Variants in RPTOR observed in about 807,000 individuals in gnomAD.
RPTOR encodes the protein regulatory-associated protein of mTOR.
In RPTOR, 21 loss-of-function variants were observed where a neutral mutation model predicts 169.9. The observed-to-expected ratio is 0.12, with a 90% CI of 0.09 to 0.18. RPTOR has a LOEUF of 0.18. Ranked by LOEUF, RPTOR falls within the 10% of genes least tolerant of loss-of-function variation. The pLI, the probability that RPTOR is intolerant of heterozygous loss-of-function variation, is 1.00. For missense variants in RPTOR, 1,133 were observed against 1,855.9 expected, an observed-to-expected ratio of 0.61 and a Z score of 7.16; for synonymous variants, 732 against 753.2, an observed-to-expected ratio of 0.97 and a Z score of 0.46.
intron 25 of RPTOR, among the ~76,000 whole-genome samples, chr17:80,943,687 C>T (rs940794565): frequency 2.6e-5 from 4 of 151,944 alleles, no homozygotes; most frequent in East Asian, 1.9e-4. Flanking sequence ...AGACTGGAGG[C>T]GGGCAACGGT....
In RPTOR at chr17:80,936,996, C is replaced by A. The variant is rs1382503376; in HGVS notation, c.2920-3500C>A. Among the ~76,000 whole-genome samples, 7 of 152,202 alleles carry A rather than the reference C, an allele frequency of 4.6e-5. No homozygotes were observed. The highest frequency in any genetic ancestry group is 1.7e-4 in the African/African-American group (7 of 41,444). On this transcript the variant is annotated intron_variant, in intron 24 of 33. Coordinates refer to ENST00000306801, the MANE Select transcript of RPTOR (RefSeq NM_020761.3). This position sits in a 1 kb window ranked among gnomAD's most constrained non-coding sequence, Gnocchi z 4.1. Reference sequence around the variant, plus strand: ...ACGACGCACACCACTACCTCTTCCGCCTCTTCCTCTGCTGCCTCTGTCCAC... The same window carrying A: ...ACGACGCACACCACTACCTCTTCCGACTCTTCCTCTGCTGCCTCTGTCCAC...
intron 20 of RPTOR, among the ~76,000 whole-genome samples, chr17:80,905,069 C>T (rs558569207): frequency 1.3e-5 from 2 of 152,170 alleles, no homozygotes; most frequent in Admixed American, 6.5e-5. Context: ...CTAGGAAAGG[C>T]GTGACAGCTG....
chr17:80,808,110 CATG>C (rs1427108642), intron 7 of RPTOR, among the ~76,000 whole-genome samples: 3 of 149,990 alleles, frequency 2.0e-5, no homozygotes, highest in Non-Finnish European at 4.4e-5. Context: ...GCCTGGGCAA[CATG>C]ATAAGACCCT....
chr17:80,958,613 A>AC (rs1483583718), intron 29 of RPTOR, among the ~76,000 whole-genome samples: 11 of 151,222 alleles, frequency 7.3e-5, no homozygotes, highest in African/African-American at 1.9e-4. Context: ...ACGGCGTTTC[A>AC]CGTGTTAGCC....
At chr17:80,887,364 C>CGGGGGTGTGCTGACTCTTG in intron 17 of RPTOR, among the ~76,000 whole-genome samples, 1 of 85,632 alleles carries the variant, frequency 1.2e-5, no homozygotes. Context: ...GTACCGACTC[C>CGGGGGTGTGCTGACTCTTG]GGGGGTGTGC....
intron 1 of RPTOR, among the ~76,000 whole-genome samples, chr17:80,583,182 G>GTTTTTTTTTTTTTTTTTTTTTTT (rs1166711662): frequency 1.3e-5 from 1 of 79,270 alleles, no homozygotes; most frequent in Non-Finnish European, 2.4e-5. Flanking sequence ...CCTCTTTCCT[G>GTTTTTTTTTTTTTTTTTTTTTTT]TTTTTTTTTT....
intron 7 of RPTOR, among the ~76,000 whole-genome samples, chr17:80,797,825 T>C (rs2067115315): frequency 6.6e-6 from 1 of 152,206 alleles, no homozygotes; most frequent in African/African-American, 2.4e-5. Flanking sequence ...GCCTTTCTAC[T>C]ACCTCAGGGC....
chr17:80,593,016 C>T (rs1242643714), intron 1 of RPTOR, among the ~76,000 whole-genome samples: 1 of 152,142 alleles, frequency 6.6e-6, no homozygotes, highest in Non-Finnish European at 1.5e-5. Context: ...CCCTTCTGCA[C>T]GTGTTTTTAC....
chr17:80,885,341 C>T (rs773325220), intron 17 of RPTOR, among the ~76,000 whole-genome samples, 193 bp downstream of exon 17: 16 of 152,220 alleles, frequency 1.1e-4, no homozygotes, highest in Non-Finnish European at 2.2e-4. Flanking sequence ...GGGTTTGCTT[C>T]ATTTAAAGGC....
rs2289759 is a variant in RPTOR at position 80,880,423 on chromosome 17, A to G, written c.1518A>G (p.Gln506=). The part of the protein sequence containing the change: ...AKILAVDSSC[Q]ADLVKDNGHK... ...TGTCTCTTTCTGTCCAGTCGTGCCA[A>G]GCGGACCTCGTGAAGGACAACGGCC... is the stretch of plus-strand genomic sequence containing the variant. Residue 506 remains glutamine, a synonymous_variant, in exon 14 of 34, where the codon CAA becomes CAG. Coordinates refer to ENST00000306801, the MANE Select transcript of RPTOR (RefSeq NM_020761.3). 0.26 allele frequency: 414,876 copies of G among 1,612,836 alleles called. 54,709 individuals are homozygous for G. The highest frequency in any genetic ancestry group is 0.37 in the East Asian group (16,458 of 44,832).
At chr17:80,888,029 C>T (rs1335891840) in intron 17 of RPTOR, among the ~76,000 whole-genome samples, 1 of 152,196 alleles carries the variant, frequency 6.6e-6, no homozygotes, top group Non-Finnish European at 1.5e-5. Context: ...CACACAGGGA[C>T]GGGCTCAGCG....
chr17:80,702,075 C>G (rs191899486), intron 3 of RPTOR, among the ~76,000 whole-genome samples: 41 of 152,238 alleles, frequency 2.7e-4, no homozygotes, highest in Admixed American at 9.1e-4. Context: ...TAAAAGTCTA[C>G]GTGGAAAATG....
At position 80,748,752 on chromosome 17, in the gene RPTOR, C is replaced by CT. The variant is rs2066603388; in HGVS notation, c.655-5258_655-5257insT. Among the ~76,000 whole-genome samples the CT allele has an allele frequency of 7.7e-5, 4 of 51,684 alleles. 2 individuals are homozygous for CT. The highest frequency in any genetic ancestry group is 1.4e-4 in the Non-Finnish European group (4 of 27,820). 33.9% of individuals were successfully genotyped at this position (51,684 alleles called of 152,430 possible). On this transcript the variant is annotated intron_variant, in intron 5 of 33. Transcript: ENST00000306801. ...TGCGGTGTGTGTTTGGAGGCCGTGG[C>CT]GGGAGGACCTGTTGGGTGGATGGAG... is the stretch of plus-strand genomic sequence containing the variant.
At chr17:80,954,729 C>A (rs2069227064) in intron 28 of RPTOR, among the ~76,000 whole-genome samples, 1 of 152,204 alleles carries the variant, frequency 6.6e-6, no homozygotes, top group Non-Finnish European at 1.5e-5. Flanking sequence ...CCAGCCTGAC[C>A]AACATGGTGA....
At chr17:80,830,910 T>G (rs2067496736) in intron 9 of RPTOR, among the ~76,000 whole-genome samples, 1 of 151,840 alleles carries the variant, frequency 6.6e-6, no homozygotes, top group Admixed American at 6.6e-5. Context: ...GCCCAGCTAA[T>G]TGTTTTGTAT....
chr17:80,706,569 A>G (rs989026569), intron 3 of RPTOR, among the ~76,000 whole-genome samples: 1 of 152,174 alleles, frequency 6.6e-6, no homozygotes, highest in African/African-American at 2.4e-5. Context: ...CTTGGGTCTG[A>G]TTCTGGACTT....
At chr17:80,674,140 G>A (rs946733142) in intron 3 of RPTOR, among the ~76,000 whole-genome samples, 2 of 152,170 alleles carry the variant, frequency 1.3e-5, no homozygotes, top group African/African-American at 2.4e-5. Context: ...TTCAATTTTA[G>A]CGGAATTTGT....
At chr17:80,830,406 T>C (rs939887542) in intron 9 of RPTOR, among the ~76,000 whole-genome samples, 2 of 152,218 alleles carry the variant, frequency 1.3e-5, no homozygotes, top group Non-Finnish European at 2.9e-5. Flanking sequence ...CAGTTCACTA[T>C]GTGTGCAGAA....
rs1033923929 is a variant in RPTOR, at chr17:80,960,268, C to G, written c.3605+63C>G. 1 of 1,596,158 alleles carries G rather than the reference C, an allele frequency of 6.3e-7. No individual in the cohort carries two copies. The highest frequency in any genetic ancestry group is 1.1e-5 in the South Asian group (1 of 90,130). The stretch of plus-strand genomic sequence containing the variant: ...CAGGGTACCTTCCAGGTGGTAGGGC[C>G]GTGTCACTGCCATTTGGTTGGGTCC... On this transcript the variant is annotated intron_variant, in intron 30 of 33. Coordinates refer to ENST00000306801, the MANE Select transcript of RPTOR (RefSeq NM_020761.3). This position sits in a 1 kb window ranked among gnomAD's most constrained non-coding sequence, Gnocchi z 4.8.
Sources: allele counts gnomAD v4.1 joint callset (sites outside exome capture counted in the v4.1 genomes callset), GRCh38; gene constraint gnomAD v4.1.1; non-coding constraint Gnocchi (gnomAD v3.1); transcripts MANE v1.5; gene names NCBI Gene and HGNC (gene_info 2026-07-23, HGNC 2026-07-21).